Variants in CACNA1D observed in about 807,000 individuals in gnomAD.
The protein encoded by CACNA1D is voltage-dependent L-type calcium channel subunit alpha-1D.
In CACNA1D, 55 loss-of-function variants were observed where a neutral mutation model predicts 257.1. The ratio of observed to expected loss-of-function variants is 0.21; its 90% confidence interval spans 0.17 to 0.27. The LOEUF (loss-of-function observed/expected upper bound fraction) is 0.27, where lower values mean the gene tolerates loss of function less well. CACNA1D is among the 10% of genes least tolerant of loss of function. The pLI, the probability that CACNA1D is intolerant of heterozygous loss-of-function variation, is 1.00. For missense variants in CACNA1D, 1,876 were observed against 2,784.0 expected (o/e 0.67, Z 7.34); for synonymous variants, 980 against 1,014.9 (o/e 0.97, Z 0.65).
intron 1 of CACNA1D, among the ~76,000 whole-genome samples, chr3:53,496,339 G>A (rs906296111): frequency 6.6e-6 from 1 of 152,232 alleles, no homozygotes; most frequent in Non-Finnish European, 1.5e-5. Context: ...CCTACACGGA[G>A]ATAATTCCCT....
chr3:53,754,978 C>G (rs1049049837), intron 29 of CACNA1D, among the ~76,000 whole-genome samples: 19 of 152,188 alleles, frequency 1.2e-4, no homozygotes, highest in African/African-American at 4.6e-4. Flanking sequence ...GCAGTGGGGT[C>G]AAATTTGGCA....
At chr3:53,735,977 C>A (rs1032786702) in intron 20 of CACNA1D, among the ~76,000 whole-genome samples, 1 of 152,094 alleles carries the variant, frequency 6.6e-6, no homozygotes, top group African/African-American at 2.4e-5. Context: ...CACCAAGCTG[C>A]TAGGCTCCAC....
chr3:53,567,672 T>G (rs1320069679), intron 3 of CACNA1D, among the ~76,000 whole-genome samples: 2 of 152,180 alleles, frequency 1.3e-5, no homozygotes, highest in East Asian at 3.8e-4. Flanking sequence ...CATGTATTCA[T>G]AAAAAATAAG....
chr3:53,672,517 T>C (rs2094332580), intron 7 of CACNA1D, among the ~76,000 whole-genome samples: 1 of 152,218 alleles, frequency 6.6e-6, no homozygotes, highest in Admixed American at 6.5e-5. Context: ...TAGAGTCAGA[T>C]GGTACAAGTT....
At chr3:53,716,527 T>C in intron 9 of CACNA1D, among the ~76,000 whole-genome samples, 1 of 152,162 alleles carries the variant, frequency 6.6e-6, no homozygotes, top group African/African-American at 2.4e-5. Flanking sequence ...TAATGGAGTT[T>C]TTTTTTTTAA....
chr3:53,611,263 T>G (rs1233972162), intron 3 of CACNA1D, among the ~76,000 whole-genome samples: 1 of 152,162 alleles, frequency 6.6e-6, no homozygotes, highest in Admixed American at 6.5e-5. Context: ...CATGTGCCTG[T>G]AATACCAGAT....
chr3:53,727,770 C>G (rs2094950153), intron 15 of CACNA1D, among the ~76,000 whole-genome samples: 1 of 152,094 alleles, frequency 6.6e-6, no homozygotes, highest in South Asian at 2.1e-4. Context: ...GGGTTTTCAC[C>G]CTTCCATTTT....
chr3:53,712,444 T>C (rs972206016), intron 9 of CACNA1D, among the ~76,000 whole-genome samples: 2 of 152,226 alleles, frequency 1.3e-5, no homozygotes, highest in African/African-American at 4.8e-5. Flanking sequence ...GGTCTGGCCT[T>C]GACCTCCATT....
chr3:53,738,890 C>G (rs966597307), intron 20 of CACNA1D, among the ~76,000 whole-genome samples: 1 of 151,736 alleles, frequency 6.6e-6, no homozygotes, highest in African/African-American at 2.4e-5. Context: ...TAGATGCTTT[C>G]CATGTTAATA....
intron 3 of CACNA1D, among the ~76,000 whole-genome samples, chr3:53,580,243 T>TA (rs1056567618): frequency 1.5e-4 from 23 of 151,952 alleles, no homozygotes; most frequent in Admixed American, 3.9e-4. Flanking sequence ...GTTAGTGAGG[T>TA]AAAAAAAAGA....
At chr3:53,782,293 T>TATGC (rs61656032) in intron 39 of CACNA1D, 3 of 140,442 alleles carry the variant, frequency 2.1e-5, no homozygotes, top group African/African-American at 7.9e-5. Flanking sequence ...TATATATATA[T>TATGC]GCATACTGGC....
Position 53,720,465 on chromosome 3 carries a change from G to A in CACNA1D, c.1505+684G>A, listed in dbSNP as rs536433962. Among the ~76,000 whole-genome samples, 7 of 152,286 alleles carry A rather than the reference G, an allele frequency of 4.6e-5. No homozygotes were observed. In the South Asian group the frequency reaches 1.2e-3, roughly 27 times the overall value. On this transcript the variant is annotated intron_variant, in intron 11 of 47. Transcript: ENST00000350061. ...CTGTTCTTCAAAAGAAAAGAAAAAG[G>A]TTAGCTTCAGACTTGGAGAAAAATA... is the stretch of plus-strand genomic sequence containing the variant.
chr3:53,503,500 A>T (rs2090691782), intron 3 of CACNA1D, among the ~76,000 whole-genome samples: 1 of 152,210 alleles, frequency 6.6e-6, no homozygotes, highest in Non-Finnish European at 1.5e-5. Context: ...AGAGAACATG[A>T]TTAAACAAAC....
intron 5 of CACNA1D, among the ~76,000 whole-genome samples, chr3:53,664,128 A>G (rs1475260368): frequency 1.3e-5 from 2 of 152,174 alleles, no homozygotes; most frequent in Non-Finnish European, 2.9e-5. Context: ...GGACACGTCT[A>G]CCTTAATGTT....
At chr3:53,589,586 C>T (rs542406084) in intron 3 of CACNA1D, among the ~76,000 whole-genome samples, 42 of 152,202 alleles carry the variant, frequency 2.8e-4, no homozygotes, top group African/African-American at 9.9e-4. Context: ...CTGATGACCC[C>T]GATAACTAAT....
Position 53,811,632 on chromosome 3 carries a change from G to T in CACNA1D, c.*226G>T, listed in dbSNP as rs1408104827. The T allele has an allele frequency of 4.4e-6, 2 of 452,100 alleles. No homozygotes were observed. Among genetic ancestry groups the T allele is most frequent in the Non-Finnish European group, 7.8e-6 (2 of 256,002 alleles). The allele number at this position is 452,100 out of a possible 1,614,324, so 28.0% of individuals were successfully genotyped here. A position where few individuals can be genotyped will look rare whatever the true frequency, so the allele number is the denominator to read the frequency against. On this transcript the variant is annotated 3_prime_UTR_variant, in exon 48 of 48. Transcript: ENST00000350061. This position sits in a 1 kb window ranked among gnomAD's most constrained non-coding sequence, Gnocchi z 4.2. ...ACCATGCGCTCGGCCCCAGCTGCAG[G>T]AAACAGCAGGCCCCGCCCTCTCACA...
chr3:53,747,280 C>T (rs1457788872), intron 25 of CACNA1D, 22 bp from the exon 26 acceptor site: 1 of 1,611,686 alleles, frequency 6.2e-7, no homozygotes, highest in Admixed American at 1.7e-5. Flanking sequence ...GCCAGACGAC[C>T]CACACCTGTT....
chr3:53,702,466 T>G (rs546642190), intron 8 of CACNA1D, among the ~76,000 whole-genome samples, 175 bp from the exon 9 acceptor site: 1 of 152,324 alleles, frequency 6.6e-6, no homozygotes, highest in Non-Finnish European at 1.5e-5. Context: ...TAGTCTTGCT[T>G]TGGAAGACAC....
chr3:53,730,686 G>A (rs949667413), intron 16 of CACNA1D, 130 bp downstream of exon 16: 8 of 752,186 alleles, frequency 1.1e-5, no homozygotes, highest in African/African-American at 1.0e-4. Flanking sequence ...GTGGATCATG[G>A]TTGACCATGC....
Sources: allele counts gnomAD v4.1 joint callset (sites outside exome capture counted in the v4.1 genomes callset), GRCh38; gene constraint gnomAD v4.1.1; non-coding constraint Gnocchi (gnomAD v3.1); transcripts MANE v1.5; gene names NCBI Gene and HGNC (gene_info 2026-07-23, HGNC 2026-07-21).